REN: variants seen among roughly 807,000 people sequenced by gnomAD.
REN encodes the protein angiotensin-forming enzyme.
REN carries 42 observed loss-of-function variants against 48.6 expected under a neutral mutation model. The observed-to-expected ratio is 0.86, with a 90% CI of 0.68 to 1.12. The LOEUF is 1.12. Ranked by LOEUF, REN falls within the 50% of genes most tolerant of loss-of-function variation. REN has a pLI of 0.00. For synonymous variants in REN, 196 were observed against 204.6 expected, an observed-to-expected ratio of 0.96 and a Z score of 0.36; for missense variants, 443 against 527.3, an observed-to-expected ratio of 0.84 and a Z score of 1.57.
chr1:204,165,635 C>T (rs1255861978), intron 1 of REN, among the ~76,000 whole-genome samples: 1 of 151,642 alleles, frequency 6.6e-6, no homozygotes, highest in African/African-American at 2.4e-5. Flanking sequence ...TTCTGTCACT[C>T]AGGCTGGAGT....
Position 204,154,893 on chromosome 1 carries a change from A to G in REN, c.*123T>C, listed in dbSNP as rs1219218921. ...GGTGCAGGGGTCAGGGCACGCATCC[A>G]GCAGGAGCTCCACATCCAATGTCTC... is the stretch of plus-strand genomic sequence containing the variant. On this transcript the variant is annotated 3_prime_UTR_variant, in exon 10 of 10. Coordinates refer to ENST00000272190, the MANE Select transcript of REN (RefSeq NM_000537.4). 4.3e-6 allele frequency: 5 copies of G among 1,158,700 alleles called. No individual in the cohort carries two copies. Among genetic ancestry groups the G allele is most frequent in the Admixed American group, 1.9e-5 (1 of 52,724 alleles). 71.8% of individuals were successfully genotyped at this position (1,158,700 alleles called of 1,614,324 possible). A position where few individuals can be genotyped will look rare whatever the true frequency, so the allele number is the denominator to read the frequency against.
Position 204,156,936 on chromosome 1 carries a change from C to T in REN, c.699-140G>A, listed in dbSNP as rs897587662. 6 of 1,111,720 alleles carry T rather than the reference C, an allele frequency of 5.4e-6. No homozygotes were observed. The highest frequency in any genetic ancestry group is 2.8e-4 in the Middle Eastern group (1 of 3,514). 68.9% of individuals were successfully genotyped at this position (1,111,720 alleles called of 1,614,324 possible). On this transcript the variant is annotated intron_variant, in intron 6 of 9. Coordinates refer to ENST00000272190, the MANE Select transcript of REN (RefSeq NM_000537.4). The surrounding 1 kb of genome is among the most constrained non-coding windows in gnomAD (Gnocchi z 4.2). Reference sequence around the variant, plus strand: ...GGAATGTGGGACAGACAGCCAGGCTCGGAGCTGTCGTTGGGAAGCATGCAG... The same window carrying T: ...GGAATGTGGGACAGACAGCCAGGCTTGGAGCTGTCGTTGGGAAGCATGCAG...
At chr1:204,163,752 G>A (rs1658290284) in intron 1 of REN, among the ~76,000 whole-genome samples, 2 of 152,206 alleles carry the variant, frequency 1.3e-5, no homozygotes, top group Admixed American at 1.3e-4. Context: ...TGGAACTGGT[G>A]CCGTACGGTG....
intron 5 of REN, among the ~76,000 whole-genome samples, 163 bp from the exon 6 acceptor site, chr1:204,157,532 A>G (rs1444944086): frequency 6.6e-6 from 1 of 152,166 alleles, no homozygotes; most frequent in Non-Finnish European, 1.5e-5. Flanking sequence ...CCATGAGTGA[A>G]CAAGTGGGGG....
rs1475939253 is a variant in REN, at chr1:204,156,548, G to A, written c.818+129C>T. 7.0e-7 allele frequency: 1 copy of A among 1,420,894 alleles called. No individual in the cohort carries two copies. Among genetic ancestry groups the A allele is most frequent in the African/African-American group, 1.4e-5 (1 of 71,042 alleles). The allele number at this position is 1,420,894 out of a possible 1,614,324, so 88.0% of individuals were successfully genotyped here. On this transcript the variant is annotated intron_variant, in intron 7 of 9. Transcript: ENST00000272190. The surrounding 1 kb of genome is among the most constrained non-coding windows in gnomAD (Gnocchi z 4.2). ...TGGACAGAGCAGGCAGAGAGCAAAT[G>A]GTGGCTGTGCTTAAGAAGTGGCTGC... is the stretch of plus-strand genomic sequence containing the variant.
rs1304108317 is a variant in REN at position 204,154,989 on chromosome 1, C to CA, written c.*26dup. ...TCCAGCTCTGGGCCAGGGCTGAAGGCAGGGCCTGCCTGGGTGGCAGAGGGC... is the reference window on the plus strand; with the variant it reads ...TCCAGCTCTGGGCCAGGGCTGAAGGCAAGGGCCTGCCTGGGTGGCAGAGGGC... On this transcript the variant is annotated 3_prime_UTR_variant, in exon 10 of 10. Transcript: ENST00000272190. 6.2e-7 allele frequency: 1 copy of CA among 1,612,560 alleles called. No homozygotes were observed. The highest frequency in any genetic ancestry group is 1.3e-5 in the African/African-American group (1 of 74,946).
At chr1:204,159,267 A>G (rs1658201087) in intron 5 of REN, 132 bp downstream of exon 5, 2 of 786,602 alleles carry the variant, frequency 2.5e-6, no homozygotes, top group African/African-American at 3.4e-5. Context: ...ATTGGCTAGT[A>G]CAGCTCTAGA....
intron 5 of REN, among the ~76,000 whole-genome samples, chr1:204,157,816 C>T (rs1002958343): frequency 3.3e-5 from 5 of 152,202 alleles, no homozygotes; most frequent in African/African-American, 1.2e-4. Flanking sequence ...TTCCCTCCTG[C>T]CTGTCTCTCA....
chr1:204,157,182 T>C (rs182118508), intron 6 of REN, among the ~76,000 whole-genome samples, 179 bp downstream of exon 6: 5 of 152,090 alleles, frequency 3.3e-5, no homozygotes, highest in South Asian at 2.1e-4. Context: ...GGGGAGGCTA[T>C]TGGGTATGGG....
In REN at chr1:204,156,784, C is replaced by T. The variant is rs149797887; in HGVS notation, c.711G>A (p.Ser237=). Residue 237 remains serine, a synonymous_variant, in exon 7 of 10, where the codon TCG becomes TCA. Transcript: ENST00000272190. This position sits in a 1 kb window ranked among gnomAD's most constrained non-coding sequence, Gnocchi z 4.2. The part of the protein sequence containing the change: ...YYNRDSENSQ[S]LGGQIVLGGS... ...CTCCCAGCACAATCTGTCCTCCCAG[C>T]GATTGGGAATTCCTAAAGGAAAGAT... 4.7e-5 allele frequency: 76 copies of T among 1,614,068 alleles called. No homozygotes were observed. The African/African-American group carries it at 8.9e-4, about 19-fold the overall frequency.
At position 204,160,661 on chromosome 1, in the gene REN, C is replaced by G; in HGVS notation, c.391G>C (p.Asp131His). ...TTGTAGCTGGAGGAATCCGAAGCAT[C>G]GAAGAGCTTGTGATACACTGGCAGG... ...YTACVYHKLFDASDSSSYKHN... is the reference protein window; with the variant it reads ...YTACVYHKLFHASDSSSYKHN... The change falls in exon 4 of 10, where the codon GAT becomes CAT. Residue 131 changes from aspartate (D) to histidine (H), a missense_variant. Coordinates refer to ENST00000272190, the MANE Select transcript of REN (RefSeq NM_000537.4). 2 of 1,613,818 alleles carry G rather than the reference C, an allele frequency of 1.2e-6. No homozygotes were observed. Among genetic ancestry groups the G allele is most frequent in the Non-Finnish European group, 1.7e-6 (2 of 1,179,700 alleles).
Position 204,154,869 on chromosome 1 carries a change from G to A in REN, c.*147C>T, listed in dbSNP as rs1445864576. ...TTGTCCTCAAAGCAGGGAAGGGCTG[G>A]TGCAGGGGTCAGGGCACGCATCCAG... On this transcript the variant is annotated 3_prime_UTR_variant, in exon 10 of 10. Transcript: ENST00000272190. The A allele has an allele frequency of 7.0e-6, 6 of 861,560 alleles. No homozygotes were observed. Among genetic ancestry groups the A allele is most frequent in the Non-Finnish European group, 1.1e-5 (6 of 533,566 alleles). The allele number at this position is 861,560 out of a possible 1,614,324, so 53.4% of individuals were successfully genotyped here.
At chr1:204,165,600 T>C (rs542616592) in intron 1 of REN, among the ~76,000 whole-genome samples, 1 of 109,216 alleles carries the variant, frequency 9.2e-6, no homozygotes, top group Admixed American at 8.4e-5. Flanking sequence ...ACCCCCGTCT[T>C]TTTTTTTTTT....
Position 204,159,557 on chromosome 1 carries a change from G to C in REN, c.531C>G (p.Val177=). 1 of 1,614,144 alleles carries C rather than the reference G, an allele frequency of 6.2e-7. No individual in the cohort carries two copies. Among genetic ancestry groups the C allele is most frequent in the Non-Finnish European group, 8.5e-7 (1 of 1,180,036 alleles). The change falls in exon 5 of 10, where the codon GTC becomes GTG. Residue 177 remains valine (V), a synonymous_variant. Transcript: ENST00000272190. Reference sequence around the variant, plus strand: ...TGAAGGGTAAGGCGGGCATCTCCGTGACCTCTCCAAACATCTGTGTCACCG... The same window carrying C: ...TGAAGGGTAAGGCGGGCATCTCCGTCACCTCTCCAAACATCTGTGTCACCG... The part of the protein sequence containing the change: ...GITVTQMFGE[V]TEMPALPFML...
rs751716365 is a variant in REN, at chr1:204,156,787, T to C, written c.708A>G (p.Gln236=). ...CCAGCACAATCTGTCCTCCCAGCGA[T>C]TGGGAATTCCTAAAGGAAAGATCAG... ...FYYNRDSENS[Q]SLGGQIVLGG... Residue 236 remains glutamine, a synonymous_variant, in exon 7 of 10, where the codon CAA becomes CAG. Transcript: ENST00000272190. The surrounding 1 kb of genome is among the most constrained non-coding windows in gnomAD (Gnocchi z 4.2). The C allele has an allele frequency of 4.3e-6, 7 of 1,614,032 alleles. No individual in the cohort carries two copies. In the East Asian group the frequency reaches 8.9e-5, roughly 21 times the overall value.
intron 5 of REN, 45 bp from the exon 6 acceptor site, chr1:204,157,414 C>A (rs1369002451): frequency 1.2e-6 from 2 of 1,613,858 alleles, no homozygotes; most frequent in Non-Finnish European, 1.7e-6. Context: ...CATTTCATGC[C>A]AGCCTCATCA....
chr1:204,159,068 C>T (rs544376982), intron 5 of REN, among the ~76,000 whole-genome samples: 1 of 152,246 alleles, frequency 6.6e-6, no homozygotes, highest in Admixed American at 6.5e-5. Flanking sequence ...TCCAGAGTGG[C>T]GCTGTCTATT....
chr1:204,162,771 T>C (rs1658271462), intron 1 of REN, among the ~76,000 whole-genome samples: 1 of 152,308 alleles, frequency 6.6e-6, no homozygotes, highest in East Asian at 1.9e-4. Flanking sequence ...CTGAGCTGGG[T>C]TGGGCCTAGA....
chr1:204,166,076 T>C lies in REN; in HGVS notation c.98+120A>G, dbSNP rs1398836140. ...CACTTGACCTCTCTGAACAGGTCCA[T>C]ACTTCCCTGTCCAGCTGATCGTAAG... On this transcript the variant is annotated intron_variant, in intron 1 of 9. Transcript: ENST00000272190. 11 of 828,528 alleles carry C rather than the reference T, an allele frequency of 1.3e-5. No individual in the cohort carries two copies. The African/African-American group carries it at 1.8e-4, about 14-fold the overall frequency. 51.3% of individuals were successfully genotyped at this position (828,528 alleles called of 1,614,324 possible).
Sources: allele counts gnomAD v4.1 joint callset (sites outside exome capture counted in the v4.1 genomes callset), GRCh38; gene constraint gnomAD v4.1.1; non-coding constraint Gnocchi (gnomAD v3.1); transcripts MANE v1.5; gene names NCBI Gene and HGNC (gene_info 2026-07-23, HGNC 2026-07-21).